Variants in MYO5B observed in about 807,000 individuals in gnomAD.
The protein encoded by MYO5B is unconventional myosin-Vb.
In MYO5B, 143 loss-of-function variants were observed where a neutral mutation model predicts 229.3. The ratio of observed to expected loss-of-function variants is 0.62; its 90% CI spans 0.54 to 0.72. The LOEUF (loss-of-function observed/expected upper bound fraction) is 0.72, where lower values mean the gene tolerates loss of function less well. MYO5B is among the 30% of genes least tolerant of loss of function. The pLI, the probability that MYO5B is intolerant of heterozygous loss-of-function variation, is 0.00. For synonymous variants in MYO5B, 918 were observed against 885.2 expected, an observed-to-expected ratio of 1.04 and a Z score of -0.66; for missense variants, 2,321 against 2,331.0, an observed-to-expected ratio of 1.00 and a Z score of 0.09.
At chr18:49,947,616 T>C (rs1410147891) in intron 14 of MYO5B, among the ~76,000 whole-genome samples, 2 of 152,208 alleles carry the variant, frequency 1.3e-5, no homozygotes, top group East Asian at 1.9e-4. Context: ...AGTCTGTTTA[T>C]AAGCTGACTG....
rs2023799909 is a variant in MYO5B, at chr18:49,823,581, TG to T, written c.*2889del. On this transcript the variant is annotated 3_prime_UTR_variant, in exon 40 of 40. Transcript: ENST00000285039. ...TTTAACTGTTCCAAGCTCCTAGTTT[TG>T]TTTTGTTTTTACAAAAGCCTTAAAA... 1 of 120,946 alleles carries T rather than the reference TG, an allele frequency of 8.3e-6. No individual in the cohort carries two copies. Among genetic ancestry groups the T allele is most frequent in the Admixed American group, 8.7e-5 (1 of 11,508 alleles). 7.5% of individuals were successfully genotyped at this position (120,946 alleles called of 1,614,324 possible).
At chr18:50,046,346 G>C (rs900697860) in intron 2 of MYO5B, among the ~76,000 whole-genome samples, 1 of 152,158 alleles carries the variant, frequency 6.6e-6, no homozygotes, top group African/African-American at 2.4e-5. Flanking sequence ...AGTTCTCCAG[G>C]GGTTTGTAAT....
intron 4 of MYO5B, among the ~76,000 whole-genome samples, chr18:50,023,171 CCAT>C (rs2026295261): frequency 6.6e-6 from 1 of 151,812 alleles, no homozygotes; most frequent in Non-Finnish European, 1.5e-5. Flanking sequence ...TGATTTACTA[CCAT>C]GACAGTAAAG....
intron 4 of MYO5B, among the ~76,000 whole-genome samples, chr18:50,016,483 A>G (rs1339882245): frequency 6.6e-6 from 1 of 152,238 alleles, no homozygotes; most frequent in Admixed American, 6.5e-5. Context: ...CTTCTTGGAC[A>G]GGATTCTTTA....
At position 50,040,141 on chromosome 18, in the gene MYO5B, A is replaced by T. The variant is rs746816208; in HGVS notation, c.310+2T>A. The T allele has an allele frequency of 1.2e-6, 2 of 1,613,998 alleles. No individual in the cohort carries two copies. Among genetic ancestry groups the T allele is most frequent in the Non-Finnish European group, 1.7e-6 (2 of 1,180,006 alleles). Reference sequence around the variant, plus strand: ...TGCAGCCAACAGATGCCCCCCACTTACCACAGTAAGTGTAGATATGGTTGG... The same window carrying T: ...TGCAGCCAACAGATGCCCCCCACTTTCCACAGTAAGTGTAGATATGGTTGG... On this transcript the variant is annotated splice_donor_variant, in intron 3 of 39. Coordinates refer to ENST00000285039, the MANE Select transcript of MYO5B (RefSeq NM_001080467.3). LOFTEE classifies it high-confidence loss of function.
chr18:49,977,869 T>G (rs1386790922), intron 9 of MYO5B, among the ~76,000 whole-genome samples: 2 of 152,134 alleles, frequency 1.3e-5, no homozygotes, highest in African/African-American at 4.8e-5. Flanking sequence ...GGATCTTCAC[T>G]CCAGCCCTGA....
chr18:50,137,154 G>A, intron 1 of MYO5B, among the ~76,000 whole-genome samples: 1 of 152,218 alleles, frequency 6.6e-6, no homozygotes, highest in East Asian at 1.9e-4. Context: ...GGCCACGAGG[G>A]CAGTTTATTT....
At chr18:49,877,233 C>G (rs28521289) in intron 25 of MYO5B, among the ~76,000 whole-genome samples, 1 of 152,060 alleles carries the variant, frequency 6.6e-6, no homozygotes, top group African/African-American at 2.4e-5. Flanking sequence ...CCACACAGTC[C>G]ACTGTGTGGT....
At chr18:49,903,390 G>C (rs895983714) in intron 20 of MYO5B, among the ~76,000 whole-genome samples, 4 of 152,162 alleles carry the variant, frequency 2.6e-5, no homozygotes, top group African/African-American at 9.7e-5. Context: ...AAGCAAACAG[G>C]CTGAGCAATG....
intron 22 of MYO5B, among the ~76,000 whole-genome samples, chr18:49,890,976 T>A (rs1231907632): frequency 6.6e-6 from 1 of 152,188 alleles, no homozygotes; most frequent in Non-Finnish European, 1.5e-5. Context: ...TTTTAATTCC[T>A]CTCTCACCCC....
At chr18:50,015,536 T>C (rs2144349881) in intron 4 of MYO5B, among the ~76,000 whole-genome samples, 1 of 152,350 alleles carries the variant, frequency 6.6e-6, no homozygotes, top group Middle Eastern at 3.4e-3. Flanking sequence ...TTAAGTGTTC[T>C]TTAGTATTTC....
chr18:49,837,834 A>G (rs1389256629), intron 36 of MYO5B, 32 bp from the exon 37 acceptor site: 3 of 1,612,280 alleles, frequency 1.9e-6, no homozygotes, highest in East Asian at 4.5e-5. Context: ...AGAAGCTTGC[A>G]TTCCCCACTA....
intron 1 of MYO5B, among the ~76,000 whole-genome samples, chr18:50,092,822 A>C (rs1220657584): frequency 6.6e-6 from 1 of 152,258 alleles, no homozygotes; most frequent in Non-Finnish European, 1.5e-5. Flanking sequence ...GAATCATTGA[A>C]TAAATGTCAA....
chr18:50,081,225 G>A (rs1274124011), intron 1 of MYO5B, among the ~76,000 whole-genome samples: 1 of 152,162 alleles, frequency 6.6e-6, no homozygotes. Flanking sequence ...GCAGCCCTCA[G>A]AATGAATTAT....
At position 49,826,409 on chromosome 18, in the gene MYO5B, T is replaced by C. The variant is rs1006963217; in HGVS notation, c.*62A>G. ...ATTTAACAGATCCTTGAATTTACTT[T>C]ACTGTATATACTTCCTTCTTGCTCA... is the stretch of plus-strand genomic sequence containing the variant. On this transcript the variant is annotated 3_prime_UTR_variant, in exon 40 of 40. Coordinates refer to ENST00000285039, the MANE Select transcript of MYO5B (RefSeq NM_001080467.3). 5 of 1,584,226 alleles carry C rather than the reference T, an allele frequency of 3.2e-6. No individual in the cohort carries two copies. Among genetic ancestry groups the C allele is most frequent in the Non-Finnish European group, 4.3e-6 (5 of 1,156,236 alleles).
chr18:49,883,546 A>G (rs1295759409), intron 22 of MYO5B, among the ~76,000 whole-genome samples: 1 of 152,242 alleles, frequency 6.6e-6, no homozygotes, highest in Non-Finnish European at 1.5e-5. Context: ...TAAGATGGCA[A>G]CACTCCTCAA....
At chr18:49,980,794 C>G (rs1319336201) in intron 8 of MYO5B, among the ~76,000 whole-genome samples, 1 of 150,752 alleles carries the variant, frequency 6.6e-6, no homozygotes, top group African/African-American at 2.4e-5. Flanking sequence ...CTGACCAAAT[C>G]AGATGGGTCA....
chr18:50,063,454 T>C (rs1310100916), intron 1 of MYO5B, among the ~76,000 whole-genome samples: 3 of 152,144 alleles, frequency 2.0e-5, no homozygotes, highest in East Asian at 3.9e-4. Context: ...CCTCCCTATC[T>C]TGCTGCTGTT....
intron 17 of MYO5B, among the ~76,000 whole-genome samples, chr18:49,929,258 C>T (rs779423789): frequency 2.4e-4 from 37 of 152,144 alleles, no homozygotes; most frequent in Admixed American, 3.9e-4. Context: ...ATCACTTAGA[C>T]CAACACCAAA....
Sources: gnomAD v4.1 joint callset for allele counts (sites outside exome capture counted in the v4.1 genomes callset) on GRCh38, gnomAD v4.1.1 for gene constraint, MANE v1.5 for transcripts, NCBI Gene and HGNC (gene_info 2026-07-23, HGNC 2026-07-21) for gene names.